The following ALK variants were observed in gnomAD, a reference collection of about 807,000 sequenced individuals.
ALK encodes the protein ALK receptor tyrosine kinase, also known as ALK tyrosine kinase receptor.
In ALK, 74 loss-of-function variants were observed where a neutral mutation model predicts 163.1. The ratio of observed to expected loss-of-function variants is 0.45; its 90% CI spans 0.38 to 0.55. The LOEUF (loss-of-function observed/expected upper bound fraction) is 0.55, where lower values mean the gene tolerates loss of function less well. ALK is among the 20% of genes least tolerant of loss of function. The probability of loss-of-function intolerance (pLI) is 0.00; values close to 1 mark genes in which losing one functional copy is unlikely to be tolerated. For missense variants in ALK, 2,063 were observed against 2,105.3 expected (o/e 0.98, Z 0.39); for synonymous variants, 960 against 843.2 (o/e 1.14, Z -2.40).
intron 1 of ALK, among the ~76,000 whole-genome samples, chr2:29,740,041 C>T (rs1457795905): frequency 6.6e-6 from 1 of 152,088 alleles, no homozygotes; most frequent in Non-Finnish European, 1.5e-5. Context: ...ATTCAACAAA[C>T]ATTGATTGAA....
At chr2:29,215,789 C>G (rs11885445) in intron 23 of ALK, among the ~76,000 whole-genome samples, 3 of 152,118 alleles carry the variant, frequency 2.0e-5, no homozygotes, top group Non-Finnish European at 4.4e-5. Context: ...AGTGGCCCAT[C>G]GAGCTGACCC....
At chr2:29,440,941 G>A (rs998560690) in intron 4 of ALK, among the ~76,000 whole-genome samples, 29 of 152,252 alleles carry the variant, frequency 1.9e-4, no homozygotes, top group African/African-American at 6.3e-4. Context: ...TCCATTTCTC[G>A]CTCCCTCTTG....
intron 9 of ALK, among the ~76,000 whole-genome samples, chr2:29,281,014 T>C (rs912403909): frequency 6.6e-6 from 1 of 151,028 alleles, no homozygotes; most frequent in Admixed American, 6.6e-5. Flanking sequence ...CATTCTGGGA[T>C]TGAAGAAAAG....
intron 3 of ALK, among the ~76,000 whole-genome samples, chr2:29,544,710 A>G (rs1012615031): frequency 6.6e-6 from 1 of 151,976 alleles, no homozygotes; most frequent in Non-Finnish European, 1.5e-5. Flanking sequence ...TCCTTTCATA[A>G]GACCTCAGCT....
chr2:29,840,666 T>C (rs1421815081), intron 1 of ALK, among the ~76,000 whole-genome samples: 1 of 152,242 alleles, frequency 6.6e-6, no homozygotes, highest in African/African-American at 2.4e-5. Context: ...GATCTTGAAT[T>C]CGGGAAAGAA....
chr2:29,802,354 G>C (rs1306310187), intron 1 of ALK, among the ~76,000 whole-genome samples: 1 of 1,280 alleles, frequency 7.8e-4, no homozygotes, highest in Non-Finnish European at 1.8e-3. Flanking sequence ...GAGGGGAGGG[G>C]AGGGCAGGGG....
chr2:29,471,105 T>C (rs1558338614), intron 4 of ALK, among the ~76,000 whole-genome samples: 2 of 152,172 alleles, frequency 1.3e-5, no homozygotes, highest in African/African-American at 2.4e-5. Context: ...GTTAACAGGA[T>C]GCAAAATTAA....
At position 29,228,868 on chromosome 2, in the gene ALK, C is replaced by G; in HGVS notation, c.2815+16G>C. ...AGCAGGGAGGGAGTGACACCTTGAA[C>G]ACGAATCATCTTTACCTATATATCC... On this transcript the variant is annotated intron_variant, in intron 16 of 28. Coordinates refer to ENST00000389048, the MANE Select transcript of ALK (RefSeq NM_004304.5). 6.4e-7 allele frequency: 1 copy of G among 1,555,252 alleles called. No homozygotes were observed. Among genetic ancestry groups the G allele is most frequent in the Non-Finnish European group, 8.9e-7 (1 of 1,126,460 alleles).
At chr2:29,297,370 CA>C (rs1292468996) in intron 8 of ALK, among the ~76,000 whole-genome samples, 4 of 152,184 alleles carry the variant, frequency 2.6e-5, no homozygotes, top group Non-Finnish European at 5.9e-5. Flanking sequence ...AAGGTGATAT[CA>C]AGATCAATGG....
intron 5 of ALK, among the ~76,000 whole-genome samples, chr2:29,334,954 T>A (rs904124271): frequency 2.6e-5 from 4 of 152,212 alleles, no homozygotes; most frequent in African/African-American, 9.6e-5. Flanking sequence ...ATGATTTTAA[T>A]CAAGGGCCTG....
chr2:29,553,206 A>G (rs751815901), intron 3 of ALK, among the ~76,000 whole-genome samples: 2 of 152,148 alleles, frequency 1.3e-5, no homozygotes, highest in Non-Finnish European at 2.9e-5. Context: ...TCATGAATGA[A>G]TTAGTGCCTT....
At position 29,322,171 on chromosome 2, in the gene ALK, CCT is replaced by C. The variant is rs571547996; in HGVS notation, c.1415-1291_1415-1290del. On this transcript the variant is annotated intron_variant, in intron 6 of 28. Transcript: ENST00000389048. ...GAGACCCACAGCACTGCATGTCCTT[CCT>C]CTGTCTCAGCCTTCTTGGCAGCAGC... Among the ~76,000 whole-genome samples, 312 of 152,362 alleles carry C rather than the reference CCT, an allele frequency of 2.0e-3. 3 individuals carry two copies. Among genetic ancestry groups the C allele is most frequent in the African/African-American group, 7.1e-3 (294 of 41,592 alleles).
chr2:29,257,007 C>T (rs1664965409), intron 11 of ALK, among the ~76,000 whole-genome samples: 1 of 152,138 alleles, frequency 6.6e-6, no homozygotes, highest in Non-Finnish European at 1.5e-5. Context: ...GAGAGAAGAT[C>T]AAGGTCACAG....
chr2:29,691,283 T>G (rs1038499104), intron 3 of ALK, among the ~76,000 whole-genome samples: 1 of 152,198 alleles, frequency 6.6e-6, no homozygotes, highest in African/African-American at 2.4e-5. Context: ...ATCCATGCTG[T>G]GTGAGTACAG....
At chr2:29,328,294 C>T (rs1022421801) in intron 6 of ALK, 56 bp downstream of exon 6, 24 of 1,612,972 alleles carry the variant, frequency 1.5e-5, no homozygotes, top group African/African-American at 8.0e-5. Flanking sequence ...ATGGGGACAA[C>T]GGGGTTATGA....
At chr2:29,317,265 T>C (rs1302654375) in intron 8 of ALK, among the ~76,000 whole-genome samples, 2 of 152,212 alleles carry the variant, frequency 1.3e-5, no homozygotes, top group Non-Finnish European at 2.9e-5. Context: ...TTCCTGAAAC[T>C]GAGCCAGACA....
chr2:29,898,830 G>A (rs1667338051), intron 1 of ALK, among the ~76,000 whole-genome samples: 2 of 152,184 alleles, frequency 1.3e-5, no homozygotes, highest in Admixed American at 6.5e-5. Context: ...CAGAAGAAAA[G>A]GGTGGGGAGG....
chr2:29,584,791 C>G (rs1262471393), intron 3 of ALK, among the ~76,000 whole-genome samples: 1 of 152,198 alleles, frequency 6.6e-6, no homozygotes, highest in East Asian at 1.9e-4. Context: ...AGCAATGCCA[C>G]ATAAATGCAT....
intron 3 of ALK, among the ~76,000 whole-genome samples, chr2:29,593,751 T>A (rs1187338792): frequency 2.6e-5 from 4 of 152,234 alleles, no homozygotes; most frequent in Non-Finnish European, 5.9e-5. Context: ...AGAATCTTGC[T>A]CTTTTTACTT....
Sources: gnomAD v4.1 joint callset for allele counts (sites outside exome capture counted in the v4.1 genomes callset) on GRCh38, gnomAD v4.1.1 for gene constraint, MANE v1.5 for transcripts, NCBI Gene and HGNC (gene_info 2026-07-23, HGNC 2026-07-21) for gene names.